CWH43: variants seen among roughly 807,000 people sequenced by gnomAD.
CWH43 encodes PGAP2-interacting protein.
A neutral mutation model predicts 85.7 loss-of-function variants in CWH43; 91 were observed. The ratio of observed to expected loss-of-function variants is 1.06; its 90% CI spans 0.90 to 1.26. The LOEUF is 1.26. Ranked by LOEUF, CWH43 falls within the 50% of genes most tolerant of loss-of-function variation. CWH43 has a pLI of 0.00. For synonymous variants in CWH43, 323 were observed against 293.6 expected, an observed-to-expected ratio of 1.10 and a Z score of -1.02; for missense variants, 869 against 839.2, an observed-to-expected ratio of 1.04 and a Z score of -0.44.
chr4:49,014,025 G>A (rs1386387023), intron 8 of CWH43, among the ~76,000 whole-genome samples: 3 of 152,112 alleles, frequency 2.0e-5, no homozygotes, highest in East Asian at 1.9e-4. Flanking sequence ...CTTTACAAAG[G>A]AGACAAAATA....
rs375072228 is a variant in CWH43 at position 48,991,474 on chromosome 4, G to T, written c.256G>T (p.Ala86Ser). ...ITIGSIASFQ[A>S]PNAKLRLMVL... is the part of the protein sequence containing the mutation. ...TGTAGGCAGCATAGCCTCCTTCCAG[G>T]CTCCAAATGCCAAACTTCGACTGAT... is the stretch of plus-strand genomic sequence containing the variant. The change falls in exon 3 of 16, where the codon GCT becomes TCT. Residue 86 changes from alanine to serine, a missense_variant. Ala to Ser is a moderately conservative substitution (Grantham distance 99). Around this residue, in one of 3 missense-constraint regions of CWH43, gnomAD observed 140 missense variants for 122.6 expected, o/e 1.14. Transcript: ENST00000226432. 66 of 1,613,898 alleles carry T rather than the reference G, an allele frequency of 4.1e-5. No individual in the cohort carries two copies. Among genetic ancestry groups the T allele is most frequent in the Admixed American group, 3.2e-4 (19 of 59,972 alleles).
intron 15 of CWH43, among the ~76,000 whole-genome samples, chr4:49,054,005 C>T (rs1383468009): frequency 6.6e-6 from 1 of 152,090 alleles, no homozygotes; most frequent in Non-Finnish European, 1.5e-5. Context: ...TATATAGAAG[C>T]TTGTTAGTTC....
At chr4:49,052,267 G>T (rs1385247049) in intron 15 of CWH43, among the ~76,000 whole-genome samples, 1 of 152,102 alleles carries the variant, frequency 6.6e-6, no homozygotes, top group African/African-American at 2.4e-5. Flanking sequence ...CATCTGTCTG[G>T]TTCAAATCCT....
At chr4:48,988,415 A>T (rs1165062420) in intron 1 of CWH43, 62 bp from the exon 2 acceptor site, 24 of 1,327,614 alleles carry the variant, frequency 1.8e-5, no homozygotes, top group Non-Finnish European at 2.2e-5. Context: ...GAGGGACAGG[A>T]CTGTCGTTAG....
chr4:49,057,136 AG>A (rs1302485098), intron 15 of CWH43, among the ~76,000 whole-genome samples: 2 of 152,228 alleles, frequency 1.3e-5, no homozygotes, highest in Non-Finnish European at 2.9e-5. Context: ...CAGTCAATTT[AG>A]GAAGTTTATT....
At chr4:49,044,040 C>T (rs1784548164) in intron 13 of CWH43, among the ~76,000 whole-genome samples, 1 of 151,944 alleles carries the variant, frequency 6.6e-6, no homozygotes, top group Non-Finnish European at 1.5e-5. Flanking sequence ...TAGTAAAATT[C>T]AGAAGTGGTG....
intron 3 of CWH43, 142 bp from the exon 4 acceptor site, chr4:48,991,794 A>C: frequency 1.2e-6 from 1 of 861,234 alleles, no homozygotes; most frequent in Non-Finnish European, 1.8e-6. Flanking sequence ...TGAAGTTGCT[A>C]TATAGAGGCT....
intron 9 of CWH43, among the ~76,000 whole-genome samples, chr4:49,024,054 G>A (rs1209900944): frequency 6.6e-6 from 1 of 152,128 alleles, no homozygotes; most frequent in Non-Finnish European, 1.5e-5. Context: ...ATTTAGGGTT[G>A]TGATATTTTC....
rs1246505531 is a variant in CWH43 at position 48,991,839 on chromosome 4, C to G, written c.357-97C>G. Reference sequence around the variant, plus strand: ...TCATTATTGCAAATTACCAATAAGACTATTTCAGCTACTTATTCTATGAAA... The same window carrying G: ...TCATTATTGCAAATTACCAATAAGAGTATTTCAGCTACTTATTCTATGAAA... On this transcript the variant is annotated intron_variant, in intron 3 of 15. Transcript: ENST00000226432. The G allele has an allele frequency of 1.0e-5, 11 of 1,083,214 alleles. No individual in the cohort carries two copies. In the East Asian group the frequency reaches 1.7e-4, roughly 16 times the overall value. The allele number at this position is 1,083,214 out of a possible 1,614,324, so 67.1% of individuals were successfully genotyped here.
intron 15 of CWH43, among the ~76,000 whole-genome samples, chr4:49,061,199 G>A (rs536539968): frequency 1.4e-4 from 21 of 152,274 alleles, no homozygotes; most frequent in Admixed American, 7.2e-4. Context: ...CAAAGGTGAT[G>A]TTAAATTTGA....
intron 9 of CWH43, among the ~76,000 whole-genome samples, chr4:49,019,020 A>G (rs758541769): frequency 2.0e-5 from 3 of 152,210 alleles, no homozygotes; most frequent in Admixed American, 6.5e-5. Flanking sequence ...AGTTATTTGA[A>G]TTGGATTTAA....
In CWH43 at chr4:48,991,495, C is replaced by G; in HGVS notation, c.277C>G (p.Leu93Val). The G allele has an allele frequency of 1.2e-6, 2 of 1,614,066 alleles. No individual in the cohort carries two copies. The highest frequency in any genetic ancestry group is 1.7e-6 in the Non-Finnish European group (2 of 1,179,984). Residue 93 changes from leucine (L) to valine (V), a missense_variant, in exon 3 of 16, where the codon CTG (leucine) becomes GTG (valine). Leu to Val is a conservative substitution (Grantham distance 32, BLOSUM62 1). Transcript: ENST00000226432. The stretch of plus-strand genomic sequence containing the variant: ...CCAGGCTCCAAATGCCAAACTTCGA[C>G]TGATGGTTCTTGCGCTTGGGGTGTC... The part of the protein sequence containing the change: ...SFQAPNAKLR[L>V]MVLALGVSSS...
At chr4:49,057,527 G>C (rs530487159) in intron 15 of CWH43, among the ~76,000 whole-genome samples, 2 of 152,314 alleles carry the variant, frequency 1.3e-5, no homozygotes, top group South Asian at 4.2e-4. Flanking sequence ...CTCTAGCTTA[G>C]TGATTTTGGG....
chr4:49,036,789 A>G lies in CWH43; in HGVS notation c.1659-1247A>G, dbSNP rs573335919. 2.0e-5 allele frequency among the ~76,000 whole-genome samples: 3 copies of G among 152,074 alleles called. No individual in the cohort carries two copies. The East Asian group carries it at 5.8e-4, about 29-fold the overall frequency. On this transcript the variant is annotated intron_variant, in intron 12 of 15. Transcript: ENST00000226432. ...TTGGAGGGAGTAGAGAAGCGAGTGT[A>G]TTTCTCTCCTTCTCTCTCTGCTTCC...
intron 14 of CWH43, among the ~76,000 whole-genome samples, chr4:49,049,966 G>T (rs1784744266): frequency 6.6e-6 from 1 of 152,162 alleles, no homozygotes; most frequent in Non-Finnish European, 1.5e-5. Context: ...TGAGGGCAAG[G>T]ACTTCATTTT....
chr4:49,007,973 T>C (rs988814882), intron 8 of CWH43, among the ~76,000 whole-genome samples: 1 of 152,212 alleles, frequency 6.6e-6, no homozygotes, highest in Non-Finnish European at 1.5e-5. Context: ...TTATAATCCT[T>C]TGGGTACATA....
intron 2 of CWH43, among the ~76,000 whole-genome samples, chr4:48,990,136 T>A (rs1203279539): frequency 2.0e-5 from 3 of 152,186 alleles, no homozygotes; most frequent in African/African-American, 7.2e-5. Flanking sequence ...CCCAGTAACT[T>A]CTGGTGATGG....
At chr4:49,029,874 T>A (rs1253861280) in intron 10 of CWH43, among the ~76,000 whole-genome samples, 1 of 152,334 alleles carries the variant, frequency 6.6e-6, no homozygotes, top group East Asian at 1.9e-4. Flanking sequence ...ATCACCTTGT[T>A]CTCCTGCTGC....
chr4:48,990,136 T>C (rs1203279539), intron 2 of CWH43, among the ~76,000 whole-genome samples: 1 of 152,186 alleles, frequency 6.6e-6, no homozygotes, highest in Non-Finnish European at 1.5e-5. Context: ...CCCAGTAACT[T>C]CTGGTGATGG....
Sources: gnomAD v4.1 joint callset for allele counts (sites outside exome capture counted in the v4.1 genomes callset) on GRCh38, gnomAD v4.1.1 for gene constraint, gnomAD v4.1.1 regional missense constraint, MANE v1.5 for transcripts, NCBI Gene and HGNC (gene_info 2026-07-23, HGNC 2026-07-21) for gene names.